The following SFRP2 variants were observed in gnomAD, a reference collection of about 807,000 sequenced individuals.
The protein encoded by SFRP2 is secreted frizzled related protein 2.
SFRP2 carries 16 observed loss-of-function variants against 26.0 expected under a neutral mutation model. That is an observed-to-expected ratio of 0.61 (90% CI 0.42 to 0.93). The LOEUF (loss-of-function observed/expected upper bound fraction) is 0.93. Among genes scored for constraint, SFRP2 ranks in the 40% least tolerant of loss-of-function variants. The pLI, the probability that SFRP2 is intolerant of heterozygous loss-of-function variation, is 0.00. For synonymous variants in SFRP2, 173 were observed against 167.3 expected, an observed-to-expected ratio of 1.03 and a Z score of -0.26; for missense variants, 343 against 392.4, an observed-to-expected ratio of 0.87 and a Z score of 1.06.
Position 153,788,452 on chromosome 4 carries a change from G to T in SFRP2, c.384C>A (p.Val128=), listed in dbSNP as rs769796878. The stretch of plus-strand genomic sequence containing the variant: ...GCCAGGGGAAGCCGAAGGCGGACAT[G>T]ACCGGGGCGCAGCGGTCCTTCACCT... The part of the protein sequence containing the change: ...CVQVKDRCAP[V]MSAFGFPWPD... The change falls in exon 1 of 3, where the codon GTC becomes GTA. Residue 128 remains valine, a synonymous_variant. Coordinates refer to ENST00000274063, the MANE Select transcript of SFRP2 (RefSeq NM_003013.3). 1 of 1,614,210 alleles carries T rather than the reference G, an allele frequency of 6.2e-7. No individual in the cohort carries two copies. The highest frequency in any genetic ancestry group is 8.5e-7 in the Non-Finnish European group (1 of 1,180,056).
rs920642425 is a variant in SFRP2, at chr4:153,780,752, A to G, written c.*699T>C. 3 of 152,702 alleles carry G rather than the reference A, an allele frequency of 2.0e-5. No individual in the cohort carries two copies. The highest frequency in any genetic ancestry group is 6.5e-5 in the Admixed American group (1 of 15,288). The allele number at this position is 152,702 out of a possible 1,614,324, so 9.5% of individuals were successfully genotyped here. A position where few individuals can be genotyped will look rare whatever the true frequency, so the allele number is the denominator to read the frequency against. ...TTAATTTGCAAAAGTTAAGTAAGAA[A>G]TGTTTTAAACAAGGCTTAAAGTACT... On this transcript the variant is annotated 3_prime_UTR_variant, in exon 3 of 3. Transcript: ENST00000274063.
At chr4:153,786,229 A>G (rs1474952192) in intron 1 of SFRP2, among the ~76,000 whole-genome samples, 1 of 152,180 alleles carries the variant, frequency 6.6e-6, no homozygotes, top group Non-Finnish European at 1.5e-5. Flanking sequence ...GGCAGAGTAT[A>G]CAAGTGTATG....
intron 2 of SFRP2, among the ~76,000 whole-genome samples, chr4:153,783,384 A>G (rs1741152905): frequency 6.6e-6 from 1 of 152,216 alleles, no homozygotes; most frequent in Non-Finnish European, 1.5e-5. Context: ...ACTTTTAACC[A>G]GGAGGAAGAT....
Position 153,788,848 on chromosome 4 carries a change from AC to A in SFRP2, c.-14del, listed in dbSNP as rs923020048. On this transcript the variant is annotated 5_prime_UTR_variant, in exon 1 of 3. Transcript: ENST00000274063. The stretch of plus-strand genomic sequence containing the variant: ...GGCCCTGCAGCATCGTGGGCGCGCG[AC>A]CCCGAGGGGGCAGAGGGAGCGGAGC... 6.4e-7 allele frequency: 1 copy of A among 1,570,334 alleles called. No homozygotes were observed. Among genetic ancestry groups the A allele is most frequent in the African/African-American group, 1.4e-5 (1 of 73,918 alleles).
At chr4:153,782,847 T>C (rs1250997317) in intron 2 of SFRP2, among the ~76,000 whole-genome samples, 1 of 152,232 alleles carries the variant, frequency 6.6e-6, no homozygotes, top group Non-Finnish European at 1.5e-5. Context: ...CCTAAGACCC[T>C]GTGTGCCCCT....
At chr4:153,785,403 A>G (rs993264332) in intron 2 of SFRP2, among the ~76,000 whole-genome samples, 13 of 152,084 alleles carry the variant, frequency 8.5e-5, no homozygotes, top group African/African-American at 2.9e-4. Flanking sequence ...GTTTAAAATC[A>G]TTATGGGTTA....
rs1019463922 is a variant in SFRP2 at position 153,781,736 on chromosome 4, C to G, written c.603G>C (p.Lys201Asn). Residue 201 changes from lysine to asparagine, a missense_variant, in exon 3 of 3, where the codon AAG becomes AAC. Around this residue, in one of 2 missense-constraint regions of SFRP2, gnomAD observed 92 missense variants for 139.0 expected, o/e 0.66. Transcript: ENST00000274063. Reference sequence around the variant, plus strand: ...TATCTCGGTTGATGTAGGTTATCTCCTTCACTTTTATTTTCAGTGCTATGA... The same window carrying G: ...TATCTCGGTTGATGTAGGTTATCTCGTTCACTTTTATTTTCAGTGCTATGA... ...KNDFALKIKV[K>N]EITYINRDTK... The G allele has an allele frequency of 1.2e-6, 2 of 1,613,720 alleles. No homozygotes were observed. Among genetic ancestry groups the G allele is most frequent in the Non-Finnish European group, 1.7e-6 (2 of 1,179,738 alleles).
rs547961809 is a variant in SFRP2 at position 153,781,810 on chromosome 4, C to T, written c.584-55G>A. The T allele has an allele frequency of 2.2e-5, 32 of 1,462,234 alleles. No homozygotes were observed. The African/African-American group carries it at 3.6e-4, about 17-fold the overall frequency. The allele number at this position is 1,462,234 out of a possible 1,614,324, so 90.6% of individuals were successfully genotyped here. On this transcript the variant is annotated intron_variant, in intron 2 of 2. Coordinates refer to ENST00000274063, the MANE Select transcript of SFRP2 (RefSeq NM_003013.3). ...AGTTATAATGAGGGAATACAGTATACCTCCCCCCATTCTGCCAACTCGTGT... is the reference window on the plus strand; with the variant it reads ...AGTTATAATGAGGGAATACAGTATATCTCCCCCCATTCTGCCAACTCGTGT...
chr4:153,785,981 T>G, intron 1 of SFRP2, 37 bp from the exon 2 acceptor site: 1 of 1,414,542 alleles, frequency 7.1e-7, no homozygotes, highest in Non-Finnish European at 9.7e-7. Flanking sequence ...TAAGTTTGCT[T>G]AAAAGAGAAC....
At chr4:153,786,480 G>T (rs1391671060) in intron 1 of SFRP2, among the ~76,000 whole-genome samples, 1 of 152,120 alleles carries the variant, frequency 6.6e-6, no homozygotes, top group Non-Finnish European at 1.5e-5. Flanking sequence ...TCTCAGGGGG[G>T]CCAAGTCTGG....
chr4:153,782,567 T>C (rs1459474121), intron 2 of SFRP2, among the ~76,000 whole-genome samples: 1 of 152,212 alleles, frequency 6.6e-6, no homozygotes, highest in Non-Finnish European at 1.5e-5. Flanking sequence ...TACAAACGTG[T>C]ATGCTGGAAT....
intron 1 of SFRP2, among the ~76,000 whole-genome samples, chr4:153,787,498 A>G (rs879115365): frequency 3.3e-5 from 5 of 152,184 alleles, no homozygotes; most frequent in Admixed American, 3.3e-4. Context: ...GAGGCATTGT[A>G]TATGTTTTCC....
Position 153,788,865 on chromosome 4 carries a change from G to C in SFRP2, c.-30C>G. 4 of 1,542,942 alleles carry C rather than the reference G, an allele frequency of 2.6e-6. No individual in the cohort carries two copies. The highest frequency in any genetic ancestry group is 3.5e-6 in the Non-Finnish European group (4 of 1,151,296). On this transcript the variant is annotated 5_prime_UTR_variant, in exon 1 of 3. Transcript: ENST00000274063. Reference sequence around the variant, plus strand: ...GGCGCGCGACCCCGAGGGGGCAGAGGGAGCGGAGCCGGGGAAGGGCGAGGC... The same window carrying C: ...GGCGCGCGACCCCGAGGGGGCAGAGCGAGCGGAGCCGGGGAAGGGCGAGGC...
intron 2 of SFRP2, among the ~76,000 whole-genome samples, chr4:153,785,216 T>C (rs557357728): frequency 1.3e-5 from 2 of 152,296 alleles, no homozygotes; most frequent in South Asian, 4.1e-4. Context: ...GACTTAGTCA[T>C]ACAAAATTTA....
intron 2 of SFRP2, among the ~76,000 whole-genome samples, chr4:153,783,390 A>G (rs946636697): frequency 1.3e-5 from 2 of 152,218 alleles, no homozygotes; most frequent in Non-Finnish European, 2.9e-5. Context: ...AACCAGGAGG[A>G]AGATTTTTTA....
At chr4:153,788,313 G>T in intron 1 of SFRP2, 21 bp downstream of exon 1, 1 of 1,601,702 alleles carries the variant, frequency 6.2e-7, no homozygotes. Flanking sequence ...AGGGAGTGGG[G>T]AAGCAAGAGG....
rs1741105025 is a variant in SFRP2 at position 153,780,715 on chromosome 4, G to C, written c.*736C>G. The C allele has an allele frequency of 6.6e-6, 1 of 152,616 alleles. No individual in the cohort carries two copies. The highest frequency in any genetic ancestry group is 2.4e-5 in the African/African-American group (1 of 41,430). The allele number at this position is 152,616 out of a possible 1,614,324, so 9.5% of individuals were successfully genotyped here. ...AAACTACTATGTATATTACAGGTAA[G>C]CTACAATGGGTTTAATTTGCAAAAG... On this transcript the variant is annotated 3_prime_UTR_variant, in exon 3 of 3. Coordinates refer to ENST00000274063, the MANE Select transcript of SFRP2 (RefSeq NM_003013.3).
At position 153,781,195 on chromosome 4, in the gene SFRP2, T is replaced by G. The variant is rs1386338262; in HGVS notation, c.*256A>C. 2.0e-6 allele frequency: 1 copy of G among 488,152 alleles called. No homozygotes were observed. The highest frequency in any genetic ancestry group is 3.6e-6 in the Non-Finnish European group (1 of 274,750). The allele number at this position is 488,152 out of a possible 1,614,324, so 30.2% of individuals were successfully genotyped here. ...CTATTTTTAAACTTCATAAAAATATTCATGATTTTATTAGTTTGAATATTT... is the reference window on the plus strand; with the variant it reads ...CTATTTTTAAACTTCATAAAAATATGCATGATTTTATTAGTTTGAATATTT... On this transcript the variant is annotated 3_prime_UTR_variant, in exon 3 of 3. Transcript: ENST00000274063.
intron 2 of SFRP2, among the ~76,000 whole-genome samples, chr4:153,782,503 C>A (rs1387335461): frequency 2.6e-5 from 4 of 152,052 alleles, no homozygotes; most frequent in Non-Finnish European, 5.9e-5. Context: ...AAGTGGTTTA[C>A]TATAAAGGAC....
Sources: allele counts gnomAD v4.1 joint callset (sites outside exome capture counted in the v4.1 genomes callset), GRCh38; gene constraint gnomAD v4.1.1; regional missense constraint gnomAD v4.1.1; transcripts MANE v1.5; gene names NCBI Gene and HGNC (gene_info 2026-07-23, HGNC 2026-07-21).